The following SDK2 variants were observed in gnomAD, a reference collection of about 807,000 sequenced individuals.
The protein encoded by SDK2 is protein sidekick-2.
Under a neutral mutation model 253.9 loss-of-function variants are expected in SDK2, and 105 were observed. That is an observed-to-expected ratio of 0.41 (90% CI 0.35 to 0.49). SDK2 has a LOEUF of 0.49. Among genes scored for constraint, SDK2 ranks in the 20% least tolerant of loss-of-function variants. The probability of loss-of-function intolerance (pLI) is 0.06; values close to 1 mark genes in which losing one functional copy is unlikely to be tolerated. For synonymous variants in SDK2, 1,249 were observed against 1,234.9 expected (o/e 1.01, Z -0.24); for missense variants, 2,608 against 3,003.0 (o/e 0.87, Z 3.07).
chr17:73,386,679 G>A (rs1472352038), intron 30 of SDK2, 131 bp from the exon 31 acceptor site: 3 of 653,360 alleles, frequency 4.6e-6, no homozygotes, highest in African/African-American at 1.8e-5. Context: ...CTACACAGAA[G>A]GGCACACTGA....
In SDK2 at chr17:73,609,672, G is replaced by A. The variant is rs1343396656; in HGVS notation, c.64+34353C>T. ...CTAATGGGAATGACTTTCAAGGGAG[G>A]TAATGGGTACCCTCTTACCTACGTG... On this transcript the variant is annotated intron_variant, in intron 1 of 44. Coordinates refer to ENST00000392650, the MANE Select transcript of SDK2 (RefSeq NM_001144952.2). The surrounding 1 kb of genome is among the most constrained non-coding windows in gnomAD (Gnocchi z 4.4). Among the ~76,000 whole-genome samples, 1 of 152,174 alleles carries A rather than the reference G, an allele frequency of 6.6e-6. No homozygotes were observed. The highest frequency in any genetic ancestry group is 2.1e-4 in the South Asian group (1 of 4,832).
At chr17:73,414,882 C>T (rs2063167907) in intron 17 of SDK2, 123 bp from the exon 18 acceptor site, 1 of 633,374 alleles carries the variant, frequency 1.6e-6, no homozygotes, top group African/African-American at 1.8e-5. Flanking sequence ...CTACCCCACC[C>T]CAACTCCTCC....
chr17:73,502,766 T>C (rs1440231368), intron 2 of SDK2, among the ~76,000 whole-genome samples: 1 of 152,186 alleles, frequency 6.6e-6, no homozygotes, highest in Non-Finnish European at 1.5e-5. Context: ...ACTAAACCAC[T>C]GGGTGGGAGA....
chr17:73,623,700 C>A (rs2046163241), intron 1 of SDK2, among the ~76,000 whole-genome samples: 1 of 152,176 alleles, frequency 6.6e-6, no homozygotes, highest in African/African-American at 2.4e-5. Flanking sequence ...TCGGTCAGCT[C>A]CACTGCACCC....
intron 3 of SDK2, among the ~76,000 whole-genome samples, chr17:73,471,222 G>A (rs931055506): frequency 6.6e-6 from 1 of 152,150 alleles, no homozygotes; most frequent in Non-Finnish European, 1.5e-5. Flanking sequence ...CATTCACCAT[G>A]AGGCACCTCC....
intron 1 of SDK2, among the ~76,000 whole-genome samples, chr17:73,567,397 C>T (rs1216135739): frequency 5.3e-5 from 8 of 152,278 alleles, no homozygotes; most frequent in Admixed American, 4.6e-4. Context: ...AGGCCTGCCA[C>T]GGGGCGGAGC....
At chr17:73,550,803 T>C (rs2045043287) in intron 1 of SDK2, among the ~76,000 whole-genome samples, 1 of 152,032 alleles carries the variant, frequency 6.6e-6, no homozygotes, top group Non-Finnish European at 1.5e-5. Context: ...AAGAGGCCTC[T>C]ACCATCCCTA....
intron 1 of SDK2, among the ~76,000 whole-genome samples, chr17:73,546,329 C>T (rs939329960): frequency 1.3e-5 from 2 of 152,224 alleles, no homozygotes; most frequent in African/African-American, 2.4e-5. Flanking sequence ...ACGGGCCTGG[C>T]GGCCAGTGGT....
intron 1 of SDK2, among the ~76,000 whole-genome samples, chr17:73,634,705 C>A (rs897407543): frequency 6.6e-6 from 1 of 152,214 alleles, no homozygotes. Context: ...GGGGCAGGGG[C>A]ACCTGTCAAA....
In SDK2 at chr17:73,570,367, A is replaced by T. The variant is rs888880999; in HGVS notation, c.65-62770T>A. 4.6e-5 allele frequency among the ~76,000 whole-genome samples: 7 copies of T among 152,218 alleles called. No individual in the cohort carries two copies. The highest frequency in any genetic ancestry group is 1.7e-4 in the African/African-American group (7 of 41,446). On this transcript the variant is annotated intron_variant, in intron 1 of 44. Transcript: ENST00000392650. This position sits in a 1 kb window ranked among gnomAD's most constrained non-coding sequence, Gnocchi z 4.2. ...CTGTTTTCTCAAATCGCAGCAGAGC[A>T]TATGCTCAATAAAGAGCCTCCAGGT...
intron 18 of SDK2, among the ~76,000 whole-genome samples, chr17:73,410,302 C>CGTTTTT (rs2063114926): frequency 2.6e-5 from 1 of 38,860 alleles, no homozygotes; most frequent in African/African-American, 1.4e-4. Flanking sequence ...TGGTAATATT[C>CGTTTTT]CTTTTTGTTT....
At chr17:73,581,348 C>G (rs1176529236) in intron 1 of SDK2, among the ~76,000 whole-genome samples, 1 of 152,208 alleles carries the variant, frequency 6.6e-6, no homozygotes, top group Non-Finnish European at 1.5e-5. Context: ...GTCAGCTCCC[C>G]TTAAACTGGT....
At chr17:73,397,999 G>A in intron 24 of SDK2, 36 bp downstream of exon 24, 1 of 1,602,076 alleles carries the variant, frequency 6.2e-7, no homozygotes, top group South Asian at 1.1e-5. Context: ...AGAAGCTCAT[G>A]GAGAGGTCCC....
chr17:73,356,598 G>A (rs1013317581), intron 40 of SDK2, among the ~76,000 whole-genome samples: 1 of 152,166 alleles, frequency 6.6e-6, no homozygotes, highest in African/African-American at 2.4e-5. Context: ...CAGAAGAAGG[G>A]GCAGGGGGCA....
intron 1 of SDK2, among the ~76,000 whole-genome samples, chr17:73,564,399 A>G (rs1188756905): frequency 6.6e-6 from 1 of 152,130 alleles, no homozygotes. Context: ...GCAGGTGTGT[A>G]TTCTCTCCTG....
intron 44 of SDK2, among the ~76,000 whole-genome samples, chr17:73,341,975 G>A (rs1253531325): frequency 6.6e-6 from 1 of 152,004 alleles, no homozygotes; most frequent in African/African-American, 2.4e-5. Context: ...GAAGTGATCC[G>A]GCCGGGCTTG....
chr17:73,405,508 ATATATAT>A lies in SDK2; in HGVS notation c.2485-3374_2485-3368del, dbSNP rs2063068591. 2.9e-5 allele frequency among the ~76,000 whole-genome samples: 2 copies of A among 68,798 alleles called. 1 individual carries two copies. Among genetic ancestry groups the A allele is most frequent in the Non-Finnish European group, 5.9e-5 (2 of 33,948 alleles). The allele number at this position is 68,798 out of a possible 152,430, so 45.1% of individuals were successfully genotyped here. A position where few individuals can be genotyped will look rare whatever the true frequency, so the allele number is the denominator to read the frequency against. On this transcript the variant is annotated intron_variant, in intron 18 of 44. Coordinates refer to ENST00000392650, the MANE Select transcript of SDK2 (RefSeq NM_001144952.2). ...TATATATATATATATATATATATAT[ATATATAT>A]ATAAAGATCGAGAATGTGGAAAGTA...
chr17:73,465,458 GGTGAAACGCTGGCTC>G lies in SDK2; in HGVS notation c.331+6639_331+6653del, dbSNP rs2063590468. Among the ~76,000 whole-genome samples, 1 of 152,080 alleles carries G rather than the reference GGTGAAACGCTGGCTC, an allele frequency of 6.6e-6. No individual in the cohort carries two copies. Among genetic ancestry groups the G allele is most frequent in the Admixed American group, 6.6e-5 (1 of 15,264 alleles). ...CTGGATGTGGTGAAACGCTGGCTGT[GGTGAAACGCTGGCTC>G]GAGGTCCTCTGCCACCTCCGGAAGG... On this transcript the variant is annotated intron_variant, in intron 3 of 44. Transcript: ENST00000392650. The surrounding 1 kb of genome is among the most constrained non-coding windows in gnomAD (Gnocchi z 4.2).
intron 40 of SDK2, among the ~76,000 whole-genome samples, chr17:73,355,175 T>TATATATATATATATATATATA (rs1555750470): frequency 6.4e-4 from 10 of 15,692 alleles, no homozygotes; most frequent in Admixed American, 1.9e-3. Flanking sequence ...TATATATATA[T>TATATATATATATATATATATA]TTTTTTTTTT....
Sources: gnomAD v4.1 joint callset for allele counts (sites outside exome capture counted in the v4.1 genomes callset) on GRCh38, gnomAD v4.1.1 for gene constraint, Gnocchi (gnomAD v3.1) non-coding constraint, MANE v1.5 for transcripts, NCBI Gene and HGNC (gene_info 2026-07-23, HGNC 2026-07-21) for gene names.